CTIF: variants seen among roughly 807,000 people sequenced by gnomAD.
CTIF encodes cap binding complex dependent translation initiation factor.
CTIF carries 21 observed loss-of-function variants against 66.0 expected under a neutral mutation model. The observed-to-expected ratio is 0.32, with a 90% confidence interval of 0.23 to 0.46. The LOEUF is 0.46. CTIF is among the 20% of genes least tolerant of loss of function. The pLI, the probability that CTIF is intolerant of heterozygous loss-of-function variation, is 1.00. For missense variants in CTIF, 739 were observed against 812.7 expected, an observed-to-expected ratio of 0.91 and a Z score of 1.10; for synonymous variants, 345 against 326.4, an observed-to-expected ratio of 1.06 and a Z score of -0.62.
At chr18:48,842,956 A>G (rs1286027067) in intron 10 of CTIF, among the ~76,000 whole-genome samples, 1 of 152,178 alleles carries the variant, frequency 6.6e-6, no homozygotes, top group Non-Finnish European at 1.5e-5. Context: ...GAGGAGGCTC[A>G]GCCAGAAGCA....
intron 10 of CTIF, among the ~76,000 whole-genome samples, chr18:48,844,144 G>C (rs1035306640): frequency 6.6e-6 from 1 of 152,246 alleles, no homozygotes; most frequent in Non-Finnish European, 1.5e-5. Flanking sequence ...CTCCTCAGGA[G>C]GGATCTTGGA....
At chr18:48,568,692 C>T (rs545610268) in intron 1 of CTIF, among the ~76,000 whole-genome samples, 15 of 131,776 alleles carry the variant, frequency 1.1e-4, no homozygotes, top group African/African-American at 4.0e-4. Context: ...CTCACAGTTC[C>T]ACATGTCTGG....
chr18:48,782,971 C>T (rs1240171919), intron 9 of CTIF, among the ~76,000 whole-genome samples: 5 of 152,222 alleles, frequency 3.3e-5, no homozygotes, highest in East Asian at 3.9e-4. Flanking sequence ...AGACCCTTCT[C>T]CCCTGCCCAG....
chr18:48,743,792 T>TA (rs2092573520), intron 7 of CTIF, among the ~76,000 whole-genome samples: 1 of 152,202 alleles, frequency 6.6e-6, no homozygotes, highest in South Asian at 2.1e-4. Flanking sequence ...ATTTTTTTTT[T>TA]AACACTTAAG....
intron 9 of CTIF, among the ~76,000 whole-genome samples, chr18:48,794,999 G>A (rs774881803): frequency 1.3e-5 from 2 of 152,146 alleles, no homozygotes; most frequent in African/African-American, 4.8e-5. Flanking sequence ...TAGCTGGCGA[G>A]AGTCCTGTGT....
At chr18:48,771,653 T>G (rs1910129621) in intron 9 of CTIF, among the ~76,000 whole-genome samples, 1 of 152,148 alleles carries the variant, frequency 6.6e-6, no homozygotes, top group South Asian at 2.1e-4. Context: ...GCCCTGCAGA[T>G]AAGTGGGTTA....
At chr18:48,841,032 G>A (rs529336843) in intron 10 of CTIF, among the ~76,000 whole-genome samples, 5 of 152,186 alleles carry the variant, frequency 3.3e-5, no homozygotes, top group Admixed American at 2.6e-4. Context: ...CAGAGGAGTG[G>A]GCCAGTGTGT....
Position 48,736,053 on chromosome 18 carries a change from G to A in CTIF, c.585-21866G>A, listed in dbSNP as rs184494511. Among the ~76,000 whole-genome samples, 408 of 152,266 alleles carry A rather than the reference G, an allele frequency of 2.7e-3. 1 individual carries two copies. Among genetic ancestry groups the A allele is most frequent in the African/African-American group, 9.4e-3 (392 of 41,548 alleles). ...CCCTGGCTTCTCCATAGAAGCGACT[G>A]TTCCTTCCCGGAGTGTTATGAAAAC... On this transcript the variant is annotated intron_variant, in intron 7 of 11. Transcript: ENST00000256413.
At chr18:48,731,996 C>G (rs2092460595) in intron 7 of CTIF, among the ~76,000 whole-genome samples, 1 of 152,256 alleles carries the variant, frequency 6.6e-6, no homozygotes, top group Non-Finnish European at 1.5e-5. Context: ...CAGATAGCGG[C>G]TCCATTCGGC....
intron 8 of CTIF, among the ~76,000 whole-genome samples, chr18:48,758,901 C>G (rs1038035047): frequency 2.0e-5 from 3 of 152,186 alleles, no homozygotes; most frequent in Non-Finnish European, 2.9e-5. Flanking sequence ...CAGGCTGATT[C>G]CAGCCTTCCT....
At chr18:48,578,072 A>G (rs914620810) in intron 1 of CTIF, among the ~76,000 whole-genome samples, 1 of 152,146 alleles carries the variant, frequency 6.6e-6, no homozygotes, top group Admixed American at 6.5e-5. Flanking sequence ...GAGTTATACA[A>G]TATGTTCTCT....
chr18:48,581,504 T>C (rs2089655943), intron 1 of CTIF, among the ~76,000 whole-genome samples: 1 of 152,184 alleles, frequency 6.6e-6, no homozygotes, highest in African/African-American at 2.4e-5. Context: ...GCAGAGTCTC[T>C]TTCTGGCACT....
chr18:48,786,740 T>C (rs1479626967), intron 9 of CTIF, among the ~76,000 whole-genome samples: 1 of 152,016 alleles, frequency 6.6e-6, no homozygotes, highest in East Asian at 1.9e-4. Flanking sequence ...GGGTATGGAG[T>C]CCACACCTGG....
chr18:48,686,114 A>G (rs1043078738), intron 6 of CTIF, among the ~76,000 whole-genome samples: 2 of 152,244 alleles, frequency 1.3e-5, no homozygotes, highest in African/African-American at 4.8e-5. Context: ...CTGAAATGTC[A>G]TCATGCTGAT....
chr18:48,841,951 C>T (rs542573398), intron 10 of CTIF, among the ~76,000 whole-genome samples: 7 of 152,326 alleles, frequency 4.6e-5, no homozygotes, highest in South Asian at 2.1e-4. Flanking sequence ...CCACCCAAGA[C>T]GCACAGCCCC....
chr18:48,589,515 C>A (rs994529061), intron 1 of CTIF, among the ~76,000 whole-genome samples: 2 of 152,220 alleles, frequency 1.3e-5, no homozygotes, highest in Non-Finnish European at 2.9e-5. Context: ...CCAAATAAGG[C>A]CACATTCACA....
intron 2 of CTIF, among the ~76,000 whole-genome samples, chr18:48,628,354 T>A (rs1312607597): frequency 6.6e-6 from 1 of 152,112 alleles, no homozygotes; most frequent in East Asian, 1.9e-4. Flanking sequence ...CAGGAGAGGA[T>A]CAAAGATTGA....
intron 6 of CTIF, among the ~76,000 whole-genome samples, chr18:48,704,034 A>T (rs1190866304): frequency 6.6e-6 from 1 of 152,194 alleles, no homozygotes; most frequent in Non-Finnish European, 1.5e-5. Context: ...GTCTCTGAGT[A>T]CAGAAATGAG....
At position 48,603,786 on chromosome 18, in the gene CTIF, G is replaced by C. The variant is rs143471628; in HGVS notation, c.-28-15752G>C. Reference sequence around the variant, plus strand: ...CATCCTCATCTTTGGTGAGGCAACAGATACCCTTCCAGGAAGCTTCAAACA... The same window carrying C: ...CATCCTCATCTTTGGTGAGGCAACACATACCCTTCCAGGAAGCTTCAAACA... On this transcript the variant is annotated intron_variant, in intron 1 of 11. Coordinates refer to ENST00000256413, the MANE Select transcript of CTIF (RefSeq NM_014772.3). Among the ~76,000 whole-genome samples the C allele has an allele frequency of 2.6e-5, 4 of 152,076 alleles. No individual in the cohort carries two copies. The East Asian group carries it at 7.7e-4, about 29-fold the overall frequency.
Sources: gnomAD v4.1 joint callset for allele counts (sites outside exome capture counted in the v4.1 genomes callset) on GRCh38, gnomAD v4.1.1 for gene constraint, MANE v1.5 for transcripts, NCBI Gene and HGNC (gene_info 2026-07-23, HGNC 2026-07-21) for gene names.